The following RBMS1 variants were observed in gnomAD, a reference collection of about 807,000 sequenced individuals.
The protein encoded by RBMS1 is RNA binding motif single stranded interacting protein 1, also known as RNA-binding motif, single-stranded-interacting protein 1.
RBMS1 carries 17 observed loss-of-function variants against 62.3 expected under a neutral mutation model. The observed-to-expected ratio is 0.27, with a 90% CI of 0.19 to 0.41. The LOEUF (loss-of-function observed/expected upper bound fraction) is 0.41. Ranked by LOEUF, RBMS1 falls within the 10% of genes least tolerant of loss-of-function variation. The pLI, the probability that RBMS1 is intolerant of heterozygous loss-of-function variation, is 1.00. For missense variants in RBMS1, 334 were observed against 504.5 expected, an observed-to-expected ratio of 0.66 and a Z score of 3.24; for synonymous variants, 172 against 170.0, an observed-to-expected ratio of 1.01 and a Z score of -0.09.
intron 2 of RBMS1, among the ~76,000 whole-genome samples, chr2:160,346,816 C>T (rs900295470): frequency 4.6e-5 from 7 of 152,004 alleles, no homozygotes; most frequent in Non-Finnish European, 1.0e-4. Flanking sequence ...GAGTTATGAA[C>T]AAAATTTCTT....
chr2:160,339,030 C>A (rs1347295792), intron 2 of RBMS1, among the ~76,000 whole-genome samples: 1 of 152,206 alleles, frequency 6.6e-6, no homozygotes, highest in Non-Finnish European at 1.5e-5. Context: ...GGATCATCCA[C>A]CTATTACACA....
intron 6 of RBMS1, among the ~76,000 whole-genome samples, chr2:160,299,673 G>A (rs1689114223): frequency 6.6e-6 from 1 of 152,190 alleles, no homozygotes; most frequent in South Asian, 2.1e-4. Context: ...CTGGATGTGG[G>A]TGTAGGTCCC....
intron 1 of RBMS1, among the ~76,000 whole-genome samples, chr2:160,464,775 T>A (rs1475361857): frequency 6.6e-6 from 1 of 152,224 alleles, no homozygotes; most frequent in Non-Finnish European, 1.5e-5. Context: ...GAACATGTCA[T>A]TAATCCTAGG....
intron 1 of RBMS1, among the ~76,000 whole-genome samples, chr2:160,374,068 G>T (rs543255098): frequency 6.6e-6 from 1 of 151,894 alleles, no homozygotes; most frequent in African/African-American, 2.4e-5. Flanking sequence ...AGCCCAGGGG[G>T]TTGAGACCAA....
At chr2:160,426,335 A>AAGGAAGG (rs58658592) in intron 1 of RBMS1, among the ~76,000 whole-genome samples, 13 of 93,204 alleles carry the variant, frequency 1.4e-4, no homozygotes, top group East Asian at 6.9e-4. Flanking sequence ...GGAAGGAAGG[A>AAGGAAGG]AAGGAAGGAA....
At chr2:160,392,907 AAG>A (rs577224971) in intron 1 of RBMS1, among the ~76,000 whole-genome samples, 4 of 152,096 alleles carry the variant, frequency 2.6e-5, no homozygotes, top group Non-Finnish European at 5.9e-5. Context: ...AAGAAAAAAA[AAG>A]AGAGAGAGAA....
At chr2:160,300,758 A>T in intron 5 of RBMS1, 28 bp from the exon 6 acceptor site, 1 of 1,525,428 alleles carries the variant, frequency 6.6e-7, no homozygotes, top group Non-Finnish European at 8.8e-7. Flanking sequence ...AGAATACATA[A>T]ATATTTAAAG....
rs572711931 is a variant in RBMS1, at chr2:160,274,004, A to T, written c.*768T>A. On this transcript the variant is annotated 3_prime_UTR_variant, in exon 14 of 14. Coordinates refer to ENST00000348849, the MANE Select transcript of RBMS1 (RefSeq NM_016836.4). ...CATTAAAAACACCTACTACATATTTAAAAAAGCCAAAATTTCAGCAACTTT... is the reference window on the plus strand; with the variant it reads ...CATTAAAAACACCTACTACATATTTTAAAAAGCCAAAATTTCAGCAACTTT... The T allele has an allele frequency of 6.5e-5, 10 of 152,770 alleles. No homozygotes were observed. The highest frequency in any genetic ancestry group is 1.7e-4 in the African/African-American group (7 of 41,592). 9.5% of individuals were successfully genotyped at this position (152,770 alleles called of 1,614,324 possible). A position where few individuals can be genotyped will look rare whatever the true frequency, so the allele number is the denominator to read the frequency against.
At chr2:160,435,603 T>C (rs1391358356) in intron 1 of RBMS1, among the ~76,000 whole-genome samples, 4 of 152,232 alleles carry the variant, frequency 2.6e-5, no homozygotes, top group Non-Finnish European at 5.9e-5. Context: ...GAGGACCTTT[T>C]ACATTAGAAT....
chr2:160,274,434 A>G lies in RBMS1; in HGVS notation c.*338T>C, dbSNP rs771745857. 5 of 151,338 alleles carry G rather than the reference A, an allele frequency of 3.3e-5. No individual in the cohort carries two copies. Among genetic ancestry groups the G allele is most frequent in the Non-Finnish European group, 5.9e-5 (4 of 67,734 alleles). 9.4% of individuals were successfully genotyped at this position (151,338 alleles called of 1,614,324 possible). Reference sequence around the variant, plus strand: ...ATAAGTCTTCATGGTCTTTGTGCATACCCAGAAAATTGAAGTTTTCTTTTC... The same window carrying G: ...ATAAGTCTTCATGGTCTTTGTGCATGCCCAGAAAATTGAAGTTTTCTTTTC... On this transcript the variant is annotated 3_prime_UTR_variant, in exon 14 of 14. Coordinates refer to ENST00000348849, the MANE Select transcript of RBMS1 (RefSeq NM_016836.4).
At chr2:160,469,318 C>G (rs1458521431) in intron 1 of RBMS1, among the ~76,000 whole-genome samples, 1 of 152,174 alleles carries the variant, frequency 6.6e-6, no homozygotes, top group Non-Finnish European at 1.5e-5. Context: ...TCCTCTTTGT[C>G]AGAGAGGCAG....
At chr2:160,349,940 G>C (rs1483273488) in intron 2 of RBMS1, among the ~76,000 whole-genome samples, 1 of 151,912 alleles carries the variant, frequency 6.6e-6, no homozygotes, top group Non-Finnish European at 1.5e-5. Context: ...CATGAGCAAG[G>C]TCCTGAAGGA....
rs1436137783 is a variant in RBMS1 at position 160,445,234 on chromosome 2, C to T, written c.75+48055G>A. Among the ~76,000 whole-genome samples the T allele has an allele frequency of 1.3e-5, 2 of 152,104 alleles. 1 individual carries two copies. Among genetic ancestry groups the T allele is most frequent in the South Asian group, 4.1e-4 (2 of 4,826 alleles). On this transcript the variant is annotated intron_variant, in intron 1 of 13. Transcript: ENST00000348849. ...CATAGATATTTTTTAATATTCACAT[C>T]AATACATGCAGGTTAAGACATGTTT...
intron 2 of RBMS1, among the ~76,000 whole-genome samples, chr2:160,333,507 T>G (rs1259283721): frequency 6.6e-6 from 1 of 152,016 alleles, no homozygotes; most frequent in African/African-American, 2.4e-5. Context: ...GATAATGACC[T>G]CCTTAACACC....
intron 1 of RBMS1, among the ~76,000 whole-genome samples, chr2:160,429,632 T>A (rs540786906): frequency 6.6e-6 from 1 of 152,376 alleles, no homozygotes; most frequent in South Asian, 2.1e-4. Context: ...ATGGTTATTA[T>A]GTACAGCACA....
intron 1 of RBMS1, among the ~76,000 whole-genome samples, chr2:160,485,132 G>A (rs1045508643): frequency 1.1e-4 from 17 of 152,106 alleles, no homozygotes; most frequent in African/African-American, 3.9e-4. Context: ...TAATTAGGGG[G>A]AAAAGGGAAC....
At chr2:160,390,610 C>G (rs546074272) in intron 1 of RBMS1, among the ~76,000 whole-genome samples, 1 of 149,972 alleles carries the variant, frequency 6.7e-6, no homozygotes, top group Non-Finnish European at 1.5e-5. Flanking sequence ...GTGGGAAGAC[C>G]GCTTAAGCCC....
At chr2:160,442,149 T>G (rs1683434122) in intron 1 of RBMS1, among the ~76,000 whole-genome samples, 1 of 152,230 alleles carries the variant, frequency 6.6e-6, no homozygotes, top group Non-Finnish European at 1.5e-5. Context: ...AATGTTTAAT[T>G]TTGATAATGT....
At chr2:160,482,557 A>G (rs527655413) in intron 1 of RBMS1, among the ~76,000 whole-genome samples, 8 of 152,322 alleles carry the variant, frequency 5.3e-5, no homozygotes, top group African/African-American at 1.4e-4. Flanking sequence ...AGGTATTTCC[A>G]TTTGTATCAA....
Sources: allele counts gnomAD v4.1 joint callset (sites outside exome capture counted in the v4.1 genomes callset), GRCh38; gene constraint gnomAD v4.1.1; transcripts MANE v1.5; gene names NCBI Gene and HGNC (gene_info 2026-07-23, HGNC 2026-07-21).